Variants in IL1RAPL2 observed in about 807,000 individuals in gnomAD.
The protein encoded by IL1RAPL2 is X-linked interleukin-1 receptor accessory protein-like 2.
A neutral mutation model predicts 44.1 loss-of-function variants in IL1RAPL2; 3 were observed. The observed-to-expected ratio is 0.07, with a 90% confidence interval of 0.03 to 0.18. The LOEUF (loss-of-function observed/expected upper bound fraction) is 0.18. IL1RAPL2 is among the 10% of genes least tolerant of loss of function. The pLI is 1.00. For synonymous variants in IL1RAPL2, 181 were observed against 178.8 expected (o/e 1.01, Z -0.10); for missense variants, 391 against 496.4 (o/e 0.79, Z 2.02).
intron 2 of IL1RAPL2, among the ~76,000 whole-genome samples, chrX:105,033,815 G>A (rs1325319738): frequency 1.8e-5 from 2 of 112,172 alleles, no homozygotes; most frequent in African/African-American, 6.5e-5. Context: ...ATCCTGCAGA[G>A]TGTTTTCCAA....
chrX:105,214,000 C>T (rs1176700510), intron 3 of IL1RAPL2, among the ~76,000 whole-genome samples: 1 of 107,364 alleles, frequency 9.3e-6, no homozygotes, highest in Non-Finnish European at 1.9e-5. Context: ...AAGGAAAAAC[C>T]GGTACCAGCC....
chrX:104,839,708 A>C lies in IL1RAPL2; in HGVS notation c.82+180713A>C, dbSNP rs1452218981. On this transcript the variant is annotated intron_variant, in intron 2 of 10. Coordinates refer to ENST00000372582, the MANE Select transcript of IL1RAPL2 (RefSeq NM_017416.2). Reference sequence around the variant, plus strand: ...TCTGGTAGAATTCAACTGTGAACCTATCTGGTCCTGGGCTTTTTTTGTTTC... The same window carrying C: ...TCTGGTAGAATTCAACTGTGAACCTCTCTGGTCCTGGGCTTTTTTTGTTTC... 2.7e-5 allele frequency among the ~76,000 whole-genome samples: 3 copies of C among 111,386 alleles called. No homozygotes were observed. In the East Asian group the frequency reaches 8.5e-4, roughly 32 times the overall value.
chrX:104,919,229 T>C (rs5963000), intron 2 of IL1RAPL2, among the ~76,000 whole-genome samples: 47,104 of 103,213 alleles, frequency 0.46, 8,522 homozygotes, highest in South Asian at 0.65. Flanking sequence ...TCTTTCTTTT[T>C]TTTTTTTTTT....
intron 2 of IL1RAPL2, among the ~76,000 whole-genome samples, chrX:104,670,157 A>T (rs189232107): frequency 9.0e-6 from 1 of 111,280 alleles, no homozygotes; most frequent in Non-Finnish European, 1.9e-5. Flanking sequence ...GTAGTGGCTC[A>T]GTCCAAGTCC....
At chrX:104,581,915 A>G (rs1405305833) in intron 1 of IL1RAPL2, among the ~76,000 whole-genome samples, 1 of 111,388 alleles carries the variant, frequency 9.0e-6, no homozygotes, top group Admixed American at 9.6e-5. Context: ...TCAAAGAGAG[A>G]CACAATGGTC....
chrX:105,015,819 A>C (rs2031162834), intron 2 of IL1RAPL2, among the ~76,000 whole-genome samples: 1 of 111,468 alleles, frequency 9.0e-6, no homozygotes, highest in Admixed American at 9.5e-5. Context: ...TCCATATGAA[A>C]TTTAAAGCAG....
intron 6 of IL1RAPL2, among the ~76,000 whole-genome samples, chrX:105,554,131 A>G (rs1185608221): frequency 4.4e-5 from 5 of 112,444 alleles, no homozygotes; most frequent in South Asian, 3.6e-4. Context: ...GCCCCACTCC[A>G]TAGGGCCCTG....
intron 2 of IL1RAPL2, among the ~76,000 whole-genome samples, chrX:104,664,473 G>A (rs1339932060): frequency 9.0e-6 from 1 of 111,723 alleles, no homozygotes; most frequent in Non-Finnish European, 1.9e-5. Context: ...GGAGAGCTGG[G>A]TTGATTGTGG....
At chrX:104,702,768 TCTG>T (rs1354857501) in intron 2 of IL1RAPL2, among the ~76,000 whole-genome samples, 1 of 111,017 alleles carries the variant, frequency 9.0e-6, no homozygotes, top group Non-Finnish European at 1.9e-5. Context: ...TTGACCCCCT[TCTG>T]CTGAGATTTG....
At chrX:105,053,787 A>G (rs2031957656) in intron 2 of IL1RAPL2, among the ~76,000 whole-genome samples, 1 of 111,961 alleles carries the variant, frequency 8.9e-6, no homozygotes, top group South Asian at 3.7e-4. Context: ...AATAAAACCA[A>G]AACACTTATA....
chrX:104,995,937 A>G (rs1023288222), intron 2 of IL1RAPL2, among the ~76,000 whole-genome samples: 18 of 112,084 alleles, frequency 1.6e-4, no homozygotes, highest in African/African-American at 5.8e-4. Context: ...CCACTCACAT[A>G]TATGGCTATT....
intron 1 of IL1RAPL2, among the ~76,000 whole-genome samples, chrX:104,610,335 T>G (rs1258037175): frequency 9.0e-6 from 1 of 110,986 alleles, no homozygotes; most frequent in Non-Finnish European, 1.9e-5. Flanking sequence ...GAAGAGGAAG[T>G]CAAATTGTCC....
intron 2 of IL1RAPL2, among the ~76,000 whole-genome samples, chrX:104,988,545 G>A (rs150003623): frequency 0.011 from 1,224 of 111,850 alleles, 18 homozygotes; most frequent in African/African-American, 0.037. Context: ...AGACTTTGCC[G>A]TCTTTTGTTA....
intron 2 of IL1RAPL2, among the ~76,000 whole-genome samples, chrX:105,069,636 G>C (rs1385164905): frequency 2.7e-5 from 3 of 111,775 alleles, no homozygotes; most frequent in East Asian, 5.6e-4. Flanking sequence ...CTTTACATCA[G>C]ATTAAAACAA....
At chrX:105,246,322 T>G (rs1032403417) in intron 4 of IL1RAPL2, among the ~76,000 whole-genome samples, 6 of 112,241 alleles carry the variant, frequency 5.3e-5, no homozygotes, top group African/African-American at 1.9e-4. Context: ...AGCAATCTTT[T>G]GTTACCTAAA....
At chrX:104,826,938 C>CTTTTTT (rs1176113214) in intron 2 of IL1RAPL2, among the ~76,000 whole-genome samples, 42 of 34,866 alleles carry the variant, frequency 1.2e-3, no homozygotes, top group East Asian at 3.0e-3. Context: ...GCAACCCCTG[C>CTTTTTT]TTTTTTTTTT....
chrX:104,818,631 G>C (rs1300485540), intron 2 of IL1RAPL2, among the ~76,000 whole-genome samples: 1 of 111,048 alleles, frequency 9.0e-6, no homozygotes, highest in African/African-American at 3.3e-5. Flanking sequence ...TTCAAGAAGA[G>C]AGTAATCAAC....
At position 105,709,160 on chromosome X, in the gene IL1RAPL2, G is replaced by A. The variant is rs191427194; in HGVS notation, c.773-8207G>A. On this transcript the variant is annotated intron_variant, in intron 6 of 10. Coordinates refer to ENST00000372582, the MANE Select transcript of IL1RAPL2 (RefSeq NM_017416.2). The stretch of plus-strand genomic sequence containing the variant: ...TGGGTCAAAGAAAGCAGGGTCATAA[G>A]CCAAGATCAGCAGAGCCAACAGAAG... Among the ~76,000 whole-genome samples, 3 of 112,040 alleles carry A rather than the reference G, an allele frequency of 2.7e-5. No individual in the cohort carries two copies. The Admixed American group carries it at 2.8e-4, about 11-fold the overall frequency.
At chrX:105,559,188 A>G (rs974946155) in intron 6 of IL1RAPL2, among the ~76,000 whole-genome samples, 3 of 112,239 alleles carry the variant, frequency 2.7e-5, no homozygotes, top group Admixed American at 9.4e-5. Context: ...AATGAGGCCA[A>G]TGCTGCAGGT....
Sources: allele counts gnomAD v4.1 joint callset (sites outside exome capture counted in the v4.1 genomes callset), GRCh38; gene constraint gnomAD v4.1.1; transcripts MANE v1.5; gene names NCBI Gene and HGNC (gene_info 2026-07-23, HGNC 2026-07-21).